Variants in LHPP observed in about 807,000 individuals in gnomAD.
LHPP encodes phospholysine phosphohistidine inorganic pyrophosphate phosphatase, also known as hLHPP.
A neutral mutation model predicts 30.3 loss-of-function variants in LHPP; 24 were observed. The observed-to-expected ratio is 0.79, with a 90% CI of 0.57 to 1.11. LHPP has a LOEUF of 1.11. LHPP is among the 50% of genes most tolerant of loss of function. The probability of loss-of-function intolerance (pLI) is 0.00; values close to 1 mark genes in which losing one functional copy is unlikely to be tolerated. For synonymous variants in LHPP, 150 were observed against 157.1 expected, an observed-to-expected ratio of 0.95 and a Z score of 0.34; for missense variants, 356 against 367.2, an observed-to-expected ratio of 0.97 and a Z score of 0.25.
intron 6 of LHPP, among the ~76,000 whole-genome samples, chr10:124,608,764 C>G (rs2134019645): frequency 6.6e-6 from 1 of 152,372 alleles, no homozygotes; most frequent in East Asian, 1.9e-4. Context: ...AGAGGTAGAG[C>G]TGCTGAGAGA....
chr10:124,534,248 C>T (rs993211917), intron 6 of LHPP, among the ~76,000 whole-genome samples: 4 of 152,232 alleles, frequency 2.6e-5, no homozygotes, highest in African/African-American at 9.6e-5. Context: ...TTGGCATGGC[C>T]GTCTTTCCTC....
At chr10:124,553,025 C>T (rs1473364665) in intron 6 of LHPP, among the ~76,000 whole-genome samples, 4 of 152,244 alleles carry the variant, frequency 2.6e-5, no homozygotes, top group East Asian at 1.9e-4. Context: ...TAATGAGCGC[C>T]GCTCAGCGCT....
chr10:124,483,122 G>A (rs532295271), intron 1 of LHPP, among the ~76,000 whole-genome samples: 9 of 152,198 alleles, frequency 5.9e-5, no homozygotes, highest in South Asian at 2.1e-4. Context: ...CGGTGCCGCC[G>A]GCCAGTGGCA....
At chr10:124,601,989 C>T (rs549344652) in intron 6 of LHPP, among the ~76,000 whole-genome samples, 2 of 152,326 alleles carry the variant, frequency 1.3e-5, no homozygotes, top group Admixed American at 6.5e-5. Flanking sequence ...GTGTGCTGTG[C>T]CCCGTCCTCC....
At chr10:124,509,284 C>T (rs1954241752) in intron 5 of LHPP, among the ~76,000 whole-genome samples, 1 of 152,210 alleles carries the variant, frequency 6.6e-6, no homozygotes, top group Admixed American at 6.5e-5. Flanking sequence ...CATACTATTC[C>T]ACTGTTCAGA....
rs1428156211 is a variant in LHPP, at chr10:124,590,046, T to G, written c.717-23218T>G. On this transcript the variant is annotated intron_variant, in intron 6 of 6. Transcript: ENST00000368842. This position sits in a 1 kb window ranked among gnomAD's most constrained non-coding sequence, Gnocchi z 4.3. ...CCACCGCCCCCCGCCCTTAGAAAAA[T>G]AAATGCGTGATTGACTGGCTTTGCA... 6.6e-6 allele frequency among the ~76,000 whole-genome samples: 1 copy of G among 152,094 alleles called. No homozygotes were observed. The highest frequency in any genetic ancestry group is 1.5e-5 in the Non-Finnish European group (1 of 68,004).
chr10:124,471,965 T>G (rs952327992), intron 1 of LHPP, among the ~76,000 whole-genome samples: 2 of 151,570 alleles, frequency 1.3e-5, no homozygotes, highest in African/African-American at 4.8e-5. Context: ...TGTTCAAATT[T>G]ATAATGTTTG....
At chr10:124,540,776 G>A (rs1334820940) in intron 6 of LHPP, among the ~76,000 whole-genome samples, 3 of 151,954 alleles carry the variant, frequency 2.0e-5, no homozygotes, top group Non-Finnish European at 4.4e-5. Context: ...CTGCACTGAG[G>A]TGGCCACCAA....
intron 5 of LHPP, 55 bp downstream of exon 5, chr10:124,498,183 C>T (rs1589796692): frequency 7.5e-7 from 1 of 1,340,022 alleles, no homozygotes; most frequent in African/African-American, 1.5e-5. Flanking sequence ...CAGGGAGGCC[C>T]TGGAGCTTGG....
intron 6 of LHPP, among the ~76,000 whole-genome samples, chr10:124,612,366 T>C (rs1949213798): frequency 2.0e-5 from 3 of 151,986 alleles, no homozygotes; most frequent in African/African-American, 4.8e-5. Flanking sequence ...GATCGCACCA[T>C]TGCACTCCAG....
chr10:124,559,501 A>G (rs1306480355), intron 6 of LHPP, among the ~76,000 whole-genome samples: 1 of 152,218 alleles, frequency 6.6e-6, no homozygotes, highest in African/African-American at 2.4e-5. Context: ...CCAGGTCCAC[A>G]CCCTTCCAGC....
rs199632569 is a variant in LHPP at position 124,481,543 on chromosome 10, A to AT, written c.126-2588dup. ...AGGTGCCCGCCACCACACCTGGCTAATTTTTTTTGGTATTTTTAGTACAGA... is the reference window on the plus strand; with the variant it reads ...AGGTGCCCGCCACCACACCTGGCTAATTTTTTTTTGGTATTTTTAGTACAGA... On this transcript the variant is annotated intron_variant, in intron 1 of 6. Transcript: ENST00000368842. Among the ~76,000 whole-genome samples the AT allele has an allele frequency of 2.9e-3, 444 of 151,246 alleles. 2 individuals are homozygous for AT. The highest frequency in any genetic ancestry group is 0.01 in the African/African-American group (432 of 41,164).
intron 6 of LHPP, among the ~76,000 whole-genome samples, chr10:124,557,172 C>T (rs2133966619): frequency 6.6e-6 from 1 of 152,330 alleles, no homozygotes; most frequent in African/African-American, 2.4e-5. Context: ...GGATGTCCCT[C>T]AGCCATCAGA....
chr10:124,582,842 T>TA (rs374763515), intron 6 of LHPP, among the ~76,000 whole-genome samples: 1,961 of 146,438 alleles, frequency 0.013, 18 homozygotes, highest in Middle Eastern at 0.046. Flanking sequence ...TTGTCTCTAT[T>TA]CAAAAAAAAA....
rs1359026394 is a variant in LHPP, at chr10:124,523,687, C to G, written c.716+6416C>G. 1.3e-5 allele frequency among the ~76,000 whole-genome samples: 2 copies of G among 152,224 alleles called. No individual in the cohort carries two copies. The highest frequency in any genetic ancestry group is 2.9e-5 in the Non-Finnish European group (2 of 68,044). ...GGCTGTGGTGGCCCTGGTCAGCCTT[C>G]CAGGAGTCAGGACCCTCCTGCTGCC... On this transcript the variant is annotated intron_variant, in intron 6 of 6. Coordinates refer to ENST00000368842, the MANE Select transcript of LHPP (RefSeq NM_022126.4). This position sits in a 1 kb window ranked among gnomAD's most constrained non-coding sequence, Gnocchi z 4.2.
chr10:124,548,694 A>T (rs941380640), intron 6 of LHPP, among the ~76,000 whole-genome samples: 1 of 152,156 alleles, frequency 6.6e-6, no homozygotes, highest in Non-Finnish European at 1.5e-5. Flanking sequence ...GTCCTGTTAG[A>T]TGCCCAGGTA....
At chr10:124,494,565 C>T (rs933568847) in intron 3 of LHPP, among the ~76,000 whole-genome samples, 2 of 152,144 alleles carry the variant, frequency 1.3e-5, no homozygotes, top group Non-Finnish European at 2.9e-5. Context: ...CAGGAGGGGA[C>T]GAGGGTCATG....
At chr10:124,600,923 G>A (rs1324680692) in intron 6 of LHPP, among the ~76,000 whole-genome samples, 1 of 152,252 alleles carries the variant, frequency 6.6e-6, no homozygotes, top group African/African-American at 2.4e-5. Flanking sequence ...CAGTGTGGAG[G>A]TGGCAGCACA....
chr10:124,467,709 T>TG (rs1168140559), intron 1 of LHPP, among the ~76,000 whole-genome samples: 10 of 133,974 alleles, frequency 7.5e-5, no homozygotes, highest in African/African-American at 2.3e-4. Flanking sequence ...TGTGTGTGTT[T>TG]TTTGTTGTTG....
Sources: allele counts gnomAD v4.1 joint callset (sites outside exome capture counted in the v4.1 genomes callset), GRCh38; gene constraint gnomAD v4.1.1; non-coding constraint Gnocchi (gnomAD v3.1); transcripts MANE v1.5; gene names NCBI Gene and HGNC (gene_info 2026-07-23, HGNC 2026-07-21).